Variants in GABRG3 observed in about 807,000 individuals in gnomAD.
GABRG3 encodes gamma-aminobutyric acid receptor subunit gamma-3.
Under a neutral mutation model 48.8 loss-of-function variants are expected in GABRG3, and 25 were observed. That is an observed-to-expected ratio of 0.51 (90% CI 0.37 to 0.72). The LOEUF is 0.72. Among genes scored for constraint, GABRG3 ranks in the 30% least tolerant of loss-of-function variants. GABRG3 has a pLI of 0.00. For missense variants in GABRG3, 394 were observed against 577.9 expected (o/e 0.68, Z 3.26); for synonymous variants, 227 against 217.6 (o/e 1.04, Z -0.38).
At chr15:27,044,332 T>C (rs970673425) in intron 3 of GABRG3, among the ~76,000 whole-genome samples, 2 of 152,172 alleles carry the variant, frequency 1.3e-5, no homozygotes, top group African/African-American at 4.8e-5. Flanking sequence ...TTAAGGTGAT[T>C]TCTGTTCTTG....
At chr15:27,369,465 A>G (rs185443732) in intron 5 of GABRG3, among the ~76,000 whole-genome samples, 1 of 152,318 alleles carries the variant, frequency 6.6e-6, no homozygotes, top group Admixed American at 6.5e-5. Flanking sequence ...ATGCTGCCTA[A>G]AAACTGGAAG....
chr15:27,077,203 C>T (rs898619413), intron 3 of GABRG3, among the ~76,000 whole-genome samples: 1 of 152,084 alleles, frequency 6.6e-6, no homozygotes, highest in Non-Finnish European at 1.5e-5. Flanking sequence ...TAGGGAGCAC[C>T]CTGCATGCCC....
intron 3 of GABRG3, among the ~76,000 whole-genome samples, chr15:27,088,054 T>C (rs1313428284): frequency 6.9e-6 from 1 of 145,664 alleles, no homozygotes; most frequent in Non-Finnish European, 1.5e-5. Context: ...GCTGTGGTGT[T>C]TGTGTGTGGT....
rs897529066 is a variant in GABRG3, at chr15:27,235,338, C to T, written c.271-91471C>T. On this transcript the variant is annotated intron_variant, in intron 3 of 9. Coordinates refer to ENST00000615808, the MANE Select transcript of GABRG3 (RefSeq NM_033223.5). ...AGGTCAACCTAGTTCACAGGTGAAC[C>T]GCCACAGCCCAGCAAATCCTCAGGC... Among the ~76,000 whole-genome samples the T allele has an allele frequency of 1.1e-4, 16 of 152,092 alleles. No homozygotes were observed. In the South Asian group the frequency reaches 1.7e-3, roughly 16 times the overall value.
At position 27,494,731 on chromosome 15, in the gene GABRG3, G is replaced by A. The variant is rs531030379; in HGVS notation, c.712+13944G>A. ...TGGCAATTTGCTATTATCTTTTTGG[G>A]GGGGCCGGTTCTCCTAGTGGTTTGT... On this transcript the variant is annotated intron_variant, in intron 6 of 9. Transcript: ENST00000615808. 5.2e-4 allele frequency among the ~76,000 whole-genome samples: 79 copies of A among 152,140 alleles called. 2 individuals are homozygous for A. In the South Asian group the frequency reaches 0.016, roughly 31 times the overall value.
In GABRG3 at chr15:27,535,366, C is replaced by T. The variant is rs1402621582; in HGVS notation, c.*2485C>T. 1 of 152,170 alleles carries T rather than the reference C, an allele frequency of 6.6e-6. No individual in the cohort carries two copies. The highest frequency in any genetic ancestry group is 1.5e-5 in the Non-Finnish European group (1 of 68,044). 9.4% of individuals were successfully genotyped at this position (152,170 alleles called of 1,614,324 possible). A position where few individuals can be genotyped will look rare whatever the true frequency, so the allele number is the denominator to read the frequency against. On this transcript the variant is annotated 3_prime_UTR_variant, in exon 10 of 10. Transcript: ENST00000615808. ...TTTACTGATGCCTTGTGTTTCAAAA[C>T]CACTCAACATTTGGATATTGTTAGC...
chr15:26,980,681 CAAAAAAAAAA>C (rs67711680), intron 2 of GABRG3, among the ~76,000 whole-genome samples: 2 of 124,040 alleles, frequency 1.6e-5, no homozygotes, highest in African/African-American at 5.5e-5. Context: ...TCCTCTGTCT[CAAAAAAAAAA>C]AAAAAAAAAA....
In GABRG3 at chr15:27,162,732, A is replaced by G. The variant is rs193236400; in HGVS notation, c.270+135911A>G. Among the ~76,000 whole-genome samples the G allele has an allele frequency of 4.6e-5, 7 of 152,266 alleles. No homozygotes were observed. The East Asian group carries it at 1.2e-3, about 25-fold the overall frequency. ...GAAGCATCTTCTGATGCCCCTAGATATAGCTGATGAGCTGAAGAAACATTG... is the reference window on the plus strand; with the variant it reads ...GAAGCATCTTCTGATGCCCCTAGATGTAGCTGATGAGCTGAAGAAACATTG... On this transcript the variant is annotated intron_variant, in intron 3 of 9. Transcript: ENST00000615808.
chr15:27,344,121 C>T (rs2140530579), intron 5 of GABRG3, among the ~76,000 whole-genome samples: 1 of 152,320 alleles, frequency 6.6e-6, no homozygotes, highest in Admixed American at 6.5e-5. Context: ...CATCTCAGTC[C>T]TCATCTTATG....
chr15:27,059,174 C>T (rs1016320903), intron 3 of GABRG3, among the ~76,000 whole-genome samples: 2 of 152,212 alleles, frequency 1.3e-5, no homozygotes, highest in Admixed American at 6.5e-5. Context: ...ACTCCCAACA[C>T]GAGGCTGCAA....
intron 3 of GABRG3, among the ~76,000 whole-genome samples, chr15:27,178,189 C>T (rs1887807929): frequency 1.3e-5 from 2 of 152,122 alleles, no homozygotes; most frequent in Admixed American, 6.5e-5. Context: ...TCAACTGTAT[C>T]CAAGTTATTA....
chr15:27,078,519 T>G (rs1595509915), intron 3 of GABRG3, among the ~76,000 whole-genome samples: 1 of 152,300 alleles, frequency 6.6e-6, no homozygotes, highest in African/African-American at 2.4e-5. Flanking sequence ...TCAGGAAATC[T>G]GTAGATGTCA....
intron 3 of GABRG3, among the ~76,000 whole-genome samples, chr15:27,163,091 C>T (rs1412514722): frequency 6.6e-6 from 1 of 152,046 alleles, no homozygotes; most frequent in Non-Finnish European, 1.5e-5. Context: ...CATTACCTCT[C>T]AGCTCCCCCG....
chr15:27,286,386 C>A (rs1054320023), intron 3 of GABRG3, among the ~76,000 whole-genome samples: 62 of 152,306 alleles, frequency 4.1e-4, no homozygotes, highest in African/African-American at 1.4e-3. Flanking sequence ...TTCCACTTTC[C>A]ACTTGGAAAG....
intron 2 of GABRG3, among the ~76,000 whole-genome samples, chr15:27,005,088 G>T (rs1174617093): frequency 6.6e-6 from 1 of 152,108 alleles, no homozygotes; most frequent in Non-Finnish European, 1.5e-5. Context: ...GTTATTGGGG[G>T]TACAGGTGGT....
At chr15:27,324,326 C>T (rs1032869505) in intron 3 of GABRG3, among the ~76,000 whole-genome samples, 15 of 152,142 alleles carry the variant, frequency 9.9e-5, no homozygotes, top group Admixed American at 4.6e-4. Flanking sequence ...CTGCCCCACA[C>T]GTGCAGTGTA....
chr15:27,191,262 G>C (rs6606884), intron 3 of GABRG3, among the ~76,000 whole-genome samples: 6 of 151,754 alleles, frequency 4.0e-5, no homozygotes, highest in Admixed American at 1.3e-4. Flanking sequence ...GAGCTGAGTT[G>C]AATTCCTGGG....
intron 3 of GABRG3, among the ~76,000 whole-genome samples, chr15:27,036,418 C>T (rs896058332): frequency 3.3e-5 from 5 of 152,142 alleles, no homozygotes; most frequent in Admixed American, 1.3e-4. Flanking sequence ...GCCGGCCGGG[C>T]GCGGTGGCTC....
At chr15:27,325,375 GACCT>G (rs1893577871) in intron 3 of GABRG3, among the ~76,000 whole-genome samples, 1 of 152,120 alleles carries the variant, frequency 6.6e-6, no homozygotes, top group African/African-American at 2.4e-5. Context: ...TGCTACATGT[GACCT>G]GCCATGGCTG....
Sources: allele counts gnomAD v4.1 joint callset (sites outside exome capture counted in the v4.1 genomes callset), GRCh38; gene constraint gnomAD v4.1.1; transcripts MANE v1.5; gene names NCBI Gene and HGNC (gene_info 2026-07-23, HGNC 2026-07-21).